The following DACH2 variants were observed in gnomAD, a reference collection of about 807,000 sequenced individuals.
DACH2 encodes the protein dachshund homolog 2.
A neutral mutation model predicts 35.8 loss-of-function variants in DACH2; 17 were observed. That is an observed-to-expected ratio of 0.48 (90% CI 0.33 to 0.71). The LOEUF is 0.71. Among genes scored for constraint, DACH2 ranks in the 30% least tolerant of loss-of-function variants. The pLI is 0.02. For missense variants in DACH2, 469 were observed against 472.7 expected (o/e 0.99, Z 0.07); for synonymous variants, 195 against 177.3 (o/e 1.10, Z -0.79).
chrX:86,692,580 G>A (rs960908125), intron 4 of DACH2, among the ~76,000 whole-genome samples: 1 of 111,984 alleles, frequency 8.9e-6, no homozygotes, highest in Admixed American at 9.5e-5. Context: ...ATTAAATGTA[G>A]ACTAAACAGT....
intron 2 of DACH2, among the ~76,000 whole-genome samples, chrX:86,428,201 T>C (rs1416790146): frequency 3.6e-5 from 4 of 111,859 alleles, no homozygotes; most frequent in Non-Finnish European, 7.5e-5. Flanking sequence ...AATAAGGTAG[T>C]AACTTAAATA....
chrX:86,256,838 T>C (rs182512978), intron 1 of DACH2, among the ~76,000 whole-genome samples: 77 of 111,660 alleles, frequency 6.9e-4, no homozygotes, highest in African/African-American at 2.4e-3. Flanking sequence ...AGATTAGATC[T>C]CCACCTCATT....
intron 1 of DACH2, chrX:86,305,016 T>A (rs1371298508): frequency 4.7e-5 from 7 of 148,333 alleles, no homozygotes; most frequent in Non-Finnish European, 1.1e-4. Context: ...GAGGCTGAAG[T>A]GCAGCTGAGC....
Position 86,749,551 on chromosome X carries a change from G to A in DACH2, c.1240+9669G>A, listed in dbSNP as rs969542475. 2.7e-5 allele frequency among the ~76,000 whole-genome samples: 3 copies of A among 111,278 alleles called. No homozygotes were observed. In the South Asian group the frequency reaches 1.1e-3, roughly 42 times the overall value. ...GCATTTATCAATTACGTTTGCCATT[G>A]TATATAGGAGCAGTGCATGGAGTCC... is the stretch of plus-strand genomic sequence containing the variant. On this transcript the variant is annotated intron_variant, in intron 7 of 11. Coordinates refer to ENST00000373125, the MANE Select transcript of DACH2 (RefSeq NM_053281.3).
chrX:86,686,279 C>T (rs1347234747), intron 4 of DACH2, among the ~76,000 whole-genome samples: 3 of 111,005 alleles, frequency 2.7e-5, no homozygotes, highest in Non-Finnish European at 5.7e-5. Context: ...TGTCGCCAGG[C>T]TGGAGTTCAG....
At chrX:86,721,070 C>T (rs983023168) in intron 6 of DACH2, among the ~76,000 whole-genome samples, 11 of 112,383 alleles carry the variant, frequency 9.8e-5, no homozygotes, top group African/African-American at 3.6e-4. Flanking sequence ...CTGCACACAG[C>T]AGGGGGGCCC....
intron 1 of DACH2, among the ~76,000 whole-genome samples, chrX:86,237,249 G>A (rs1035322880): frequency 9.0e-6 from 1 of 110,880 alleles, no homozygotes; most frequent in African/African-American, 3.3e-5. Context: ...ATCTGCCTAG[G>A]GCTGTTTTAC....
chrX:86,603,528 C>T (rs1267051588), intron 3 of DACH2, among the ~76,000 whole-genome samples: 1 of 111,059 alleles, frequency 9.0e-6, no homozygotes, highest in Non-Finnish European at 1.9e-5. Context: ...ATGGATGAGA[C>T]TATGGTTATG....
chrX:86,479,227 G>A (rs966584035), intron 2 of DACH2, among the ~76,000 whole-genome samples: 3 of 111,163 alleles, frequency 2.7e-5, no homozygotes, highest in Non-Finnish European at 3.8e-5. Context: ...GTGTGTGCCC[G>A]CTAGGGTCTT....
At chrX:86,800,528 A>G (rs1458360249) in intron 7 of DACH2, among the ~76,000 whole-genome samples, 1 of 112,069 alleles carries the variant, frequency 8.9e-6, no homozygotes, top group Non-Finnish European at 1.9e-5. Context: ...GAATTTTCAT[A>G]GCAATAGACA....
intron 1 of DACH2, among the ~76,000 whole-genome samples, chrX:86,320,549 C>G (rs2034996559): frequency 8.9e-6 from 1 of 112,083 alleles, no homozygotes; most frequent in Admixed American, 9.4e-5. Context: ...TTAGCTAAAG[C>G]CTTTCCTTAA....
intron 1 of DACH2, among the ~76,000 whole-genome samples, chrX:86,350,117 G>A (rs1373862171): frequency 2.4e-4 from 27 of 112,403 alleles, no homozygotes; most frequent in African/African-American, 7.4e-4. Flanking sequence ...GCAGTGAGCC[G>A]AGATCACAAC....
chrX:86,443,922 G>T (rs936123096), intron 2 of DACH2, among the ~76,000 whole-genome samples: 1 of 110,866 alleles, frequency 9.0e-6, no homozygotes, highest in African/African-American at 3.3e-5. Flanking sequence ...GGGGATTTTT[G>T]CATCTATGCA....
intron 5 of DACH2, among the ~76,000 whole-genome samples, chrX:86,701,858 C>A (rs2041147814): frequency 9.0e-6 from 1 of 111,028 alleles, no homozygotes; most frequent in Admixed American, 9.6e-5. Flanking sequence ...ACACTTGGGC[C>A]TACTGGAGGG....
chrX:86,311,616 C>G (rs1174065801), intron 1 of DACH2, among the ~76,000 whole-genome samples: 1 of 111,118 alleles, frequency 9.0e-6, no homozygotes, highest in Non-Finnish European at 1.9e-5. Flanking sequence ...GAGCCACTAG[C>G]AAAATTTTTG....
At chrX:86,649,883 T>C (rs2040458319) in intron 3 of DACH2, among the ~76,000 whole-genome samples, 1 of 111,252 alleles carries the variant, frequency 9.0e-6, no homozygotes, top group African/African-American at 3.3e-5. Context: ...CTTCTTTTCC[T>C]TGAATCACGT....
intron 2 of DACH2, among the ~76,000 whole-genome samples, chrX:86,452,433 G>T (rs180805276): frequency 9.0e-6 from 1 of 111,279 alleles, no homozygotes; most frequent in Non-Finnish European, 1.9e-5. Flanking sequence ...GGTAGTATTT[G>T]GCTGTGAATC....
chrX:86,743,009 G>T (rs2041673157), intron 7 of DACH2, among the ~76,000 whole-genome samples: 1 of 111,419 alleles, frequency 9.0e-6, no homozygotes, highest in Non-Finnish European at 1.9e-5. Flanking sequence ...GACTCCCTTT[G>T]TATTACATAT....
intron 1 of DACH2, among the ~76,000 whole-genome samples, chrX:86,303,548 A>G (rs1005531383): frequency 2.7e-5 from 3 of 110,665 alleles, no homozygotes; most frequent in Non-Finnish European, 3.8e-5. Flanking sequence ...TTAGTGGGGT[A>G]CTGAAGAGAG....
Sources: allele counts gnomAD v4.1 joint callset (sites outside exome capture counted in the v4.1 genomes callset), GRCh38; gene constraint gnomAD v4.1.1; transcripts MANE v1.5; gene names NCBI Gene and HGNC (gene_info 2026-07-23, HGNC 2026-07-21).